The following TATDN1 variants were observed in gnomAD, a reference collection of about 807,000 sequenced individuals.
The protein encoded by TATDN1 is TatD DNase domain containing 1, also known as deoxyribonuclease TATDN1.
In TATDN1, 40 loss-of-function variants were observed where a neutral mutation model predicts 46.4. The ratio of observed to expected loss-of-function variants is 0.86; its 90% CI spans 0.67 to 1.12. The LOEUF is 1.12. TATDN1 is among the 50% of genes most tolerant of loss of function. TATDN1 has a pLI of 0.00. For synonymous variants in TATDN1, 95 were observed against 105.6 expected, an observed-to-expected ratio of 0.90 and a Z score of 0.62; for missense variants, 326 against 348.4, an observed-to-expected ratio of 0.94 and a Z score of 0.51.
chr8:124,531,279 T>C (rs1035169556), intron 1 of TATDN1, among the ~76,000 whole-genome samples: 3 of 152,164 alleles, frequency 2.0e-5, no homozygotes, highest in African/African-American at 7.2e-5. Flanking sequence ...AGGGGAGAGC[T>C]GACATTTACT....
Position 124,488,514 on chromosome 8 carries a change from A to G in TATDN1, c.*80T>C. ...TAGTATTTCTTTAGACAACTTGCAGATAATTTCTTTATTGAAACTATCAGG... is the reference window on the plus strand; with the variant it reads ...TAGTATTTCTTTAGACAACTTGCAGGTAATTTCTTTATTGAAACTATCAGG... On this transcript the variant is annotated 3_prime_UTR_variant, in exon 12 of 12. Coordinates refer to ENST00000276692, the MANE Select transcript of TATDN1 (RefSeq NM_032026.4). 1.4e-6 allele frequency: 1 copy of G among 720,348 alleles called. No homozygotes were observed. The highest frequency in any genetic ancestry group is 2.4e-6 in the Non-Finnish European group (1 of 417,992). 44.6% of individuals were successfully genotyped at this position (720,348 alleles called of 1,614,324 possible).
chr8:124,500,769 A>C (rs1817894916), intron 9 of TATDN1, among the ~76,000 whole-genome samples: 1 of 151,412 alleles, frequency 6.6e-6, no homozygotes, highest in Non-Finnish European at 1.5e-5. Flanking sequence ...AAAAAAAACA[A>C]AACCAAACTT....
intron 9 of TATDN1, among the ~76,000 whole-genome samples, chr8:124,502,488 TA>T (rs1427488016): frequency 6.6e-6 from 1 of 152,194 alleles, no homozygotes; most frequent in African/African-American, 2.4e-5. Flanking sequence ...TGCTCATCAC[TA>T]AATGGGAAAC....
At chr8:124,527,697 A>T (rs1820620190) in intron 1 of TATDN1, among the ~76,000 whole-genome samples, 1 of 151,712 alleles carries the variant, frequency 6.6e-6, no homozygotes, top group Non-Finnish European at 1.5e-5. Flanking sequence ...ATTTACTTTT[A>T]TTTCATGTTT....
chr8:124,514,721 T>G (rs886234146), intron 6 of TATDN1, among the ~76,000 whole-genome samples: 3 of 152,204 alleles, frequency 2.0e-5, no homozygotes, highest in Admixed American at 2.0e-4. Flanking sequence ...CTTTTCAATC[T>G]ATAACACTCA....
At chr8:124,510,331 T>C (rs1488673443) in intron 6 of TATDN1, among the ~76,000 whole-genome samples, 2 of 152,190 alleles carry the variant, frequency 1.3e-5, no homozygotes, top group African/African-American at 4.8e-5. Flanking sequence ...ATGTCAACTT[T>C]ACTAATATAT....
intron 4 of TATDN1, among the ~76,000 whole-genome samples, chr8:124,517,145 A>G (rs1364759433): frequency 6.6e-6 from 1 of 152,310 alleles, no homozygotes; most frequent in East Asian, 1.9e-4. Flanking sequence ...AAAAGTGTCA[A>G]TGGGGTGGGT....
At chr8:124,506,925 G>A (rs1195747177) in intron 8 of TATDN1, among the ~76,000 whole-genome samples, 1 of 152,140 alleles carries the variant, frequency 6.6e-6, no homozygotes, top group Non-Finnish European at 1.5e-5. Context: ...CACTTTGGGA[G>A]GCTGATGGGG....
At chr8:124,495,597 T>G (rs1817397095) in intron 9 of TATDN1, 55 bp from the exon 10 acceptor site, 1 of 1,357,148 alleles carries the variant, frequency 7.4e-7, no homozygotes, top group Non-Finnish European at 1.0e-6. Flanking sequence ...AATACCTTTT[T>G]TCGTATCACA....
chr8:124,512,630 T>A (rs144246136), intron 6 of TATDN1, among the ~76,000 whole-genome samples: 2 of 152,216 alleles, frequency 1.3e-5, no homozygotes, highest in African/African-American at 2.4e-5. Context: ...ATTTACTAAG[T>A]GCCTACCATG....
At chr8:124,501,443 A>G (rs1452915432) in intron 9 of TATDN1, among the ~76,000 whole-genome samples, 2 of 152,092 alleles carry the variant, frequency 1.3e-5, no homozygotes, top group East Asian at 1.9e-4. Flanking sequence ...TAGACAGTGA[A>G]GGACTGCCTG....
At chr8:124,497,845 T>G (rs376309558) in intron 9 of TATDN1, among the ~76,000 whole-genome samples, 1 of 151,698 alleles carries the variant, frequency 6.6e-6, no homozygotes, top group Non-Finnish European at 1.5e-5. Flanking sequence ...AAATTCTCTA[T>G]GTCTACTACT....
chr8:124,513,080 A>G (rs1819169981), intron 6 of TATDN1, among the ~76,000 whole-genome samples: 1 of 151,910 alleles, frequency 6.6e-6, no homozygotes, highest in African/African-American at 2.4e-5. Context: ...ACGCCTGGCT[A>G]GTTTTTGTTT....
chr8:124,521,352 T>C (rs1190924744), intron 3 of TATDN1, among the ~76,000 whole-genome samples: 2 of 152,210 alleles, frequency 1.3e-5, no homozygotes, highest in African/African-American at 4.8e-5. Context: ...AGATTACTCA[T>C]GGCTAACACA....
chr8:124,496,390 A>ACAG (rs1817467470), intron 9 of TATDN1, among the ~76,000 whole-genome samples: 1 of 152,188 alleles, frequency 6.6e-6, no homozygotes, highest in Non-Finnish European at 1.5e-5. Context: ...ACTTGGTTTC[A>ACAG]TGTGTTCTGT....
Position 124,515,972 on chromosome 8 carries a change from A to T in TATDN1, c.261T>A (p.Asn87Lys). ...ACTCCTTTAAGTAAAGATCAGGGTT[A>T]TTCTTTTCAAATTCACCACATCTTG... ...HPTRCGEFEK[N>K]NPDLYLKELL... is the part of the protein sequence containing the mutation. Residue 87 changes from asparagine (N) to lysine (K), a missense_variant, in exon 5 of 12, where the codon AAT becomes AAA. Asn to Lys is a moderately conservative substitution (Grantham distance 94). Transcript: ENST00000276692. 6.2e-7 allele frequency: 1 copy of T among 1,613,902 alleles called. No individual in the cohort carries two copies. Among genetic ancestry groups the T allele is most frequent in the Non-Finnish European group, 8.5e-7 (1 of 1,179,956 alleles).
Position 124,488,698 on chromosome 8 carries a change from TAAAAC to T in TATDN1, c.792-7_792-3del. 2 of 1,579,438 alleles carry T rather than the reference TAAAAC, an allele frequency of 1.3e-6. No individual in the cohort carries two copies. The highest frequency in any genetic ancestry group is 8.7e-7 in the Non-Finnish European group (1 of 1,150,328). The stretch of plus-strand genomic sequence containing the variant: ...GCTGACATTATCTCCAATATTTGAC[TAAAAC>T]AAAACAAAAACAAAAATGGTTAAAT... On this transcript the variant is annotated splice_polypyrimidine_tract_variant and splice_region_variant and intron_variant, in intron 11 of 11. Coordinates refer to ENST00000276692, the MANE Select transcript of TATDN1 (RefSeq NM_032026.4).
chr8:124,524,592 G>A (rs140862369), intron 1 of TATDN1, among the ~76,000 whole-genome samples: 40 of 152,274 alleles, frequency 2.6e-4, no homozygotes, highest in Non-Finnish European at 3.4e-4. Flanking sequence ...ATCTCTTCTA[G>A]ACCATTTCCC....
intron 11 of TATDN1, chr8:124,490,280 G>A (rs776499330): frequency 1.7e-4 from 26 of 152,212 alleles, no homozygotes; most frequent in Non-Finnish European, 1.8e-4. Context: ...TTGGGAGGCT[G>A]AGGCAGGCAG....
Sources: allele counts gnomAD v4.1 joint callset (sites outside exome capture counted in the v4.1 genomes callset), GRCh38; gene constraint gnomAD v4.1.1; transcripts MANE v1.5; gene names NCBI Gene and HGNC (gene_info 2026-07-23, HGNC 2026-07-21).